Variants in COMMD1 observed in about 807,000 individuals in gnomAD.
COMMD1 encodes the protein COMM domain-containing protein 1.
In COMMD1, 10 loss-of-function variants were observed where a neutral mutation model predicts 17.2. The ratio of observed to expected loss-of-function variants is 0.58; its 90% CI spans 0.36 to 0.99. The LOEUF is 0.99. Ranked by LOEUF, COMMD1 falls within the 50% of genes least tolerant of loss-of-function variation. The probability of loss-of-function intolerance (pLI) is 0.01; values close to 1 mark genes in which losing one functional copy is unlikely to be tolerated. For missense variants in COMMD1, 270 were observed against 231.8 expected (o/e 1.17, Z -1.07); for synonymous variants, 97 against 91.6 (o/e 1.06, Z -0.34).
At chr2:62,109,258 A>G (rs544539781) in intron 2 of COMMD1, among the ~76,000 whole-genome samples, 6 of 152,314 alleles carry the variant, frequency 3.9e-5, no homozygotes, top group Non-Finnish European at 5.9e-5. Flanking sequence ...GTTGAGGGCA[A>G]TCACTAAAAA....
intron 2 of COMMD1, among the ~76,000 whole-genome samples, chr2:62,044,910 AT>A (rs1455039584): frequency 6.6e-6 from 1 of 151,598 alleles, no homozygotes; most frequent in Non-Finnish European, 1.5e-5. Context: ...TCATAGTTTT[AT>A]TAATTTGATC....
chr2:61,939,040 A>G (rs180802399), intron 1 of COMMD1, among the ~76,000 whole-genome samples: 35 of 152,284 alleles, frequency 2.3e-4, no homozygotes, highest in African/African-American at 7.5e-4. Context: ...CTTTGAAACA[A>G]TTTCTCTCTC....
chr2:62,068,483 A>G (rs1671114356), intron 2 of COMMD1, among the ~76,000 whole-genome samples: 1 of 152,222 alleles, frequency 6.6e-6, no homozygotes, highest in South Asian at 2.1e-4. Flanking sequence ...AGACTTCATC[A>G]AAATTAAAAA....
chr2:61,995,080 T>C (rs1240290286), intron 1 of COMMD1, among the ~76,000 whole-genome samples: 1 of 144,632 alleles, frequency 6.9e-6, no homozygotes, highest in Non-Finnish European at 1.5e-5. Flanking sequence ...TACTTACTGT[T>C]ATCAGATTCA....
intron 1 of COMMD1, among the ~76,000 whole-genome samples, chr2:61,890,754 G>A (rs1161845965): frequency 5.4e-5 from 8 of 149,314 alleles, no homozygotes; most frequent in African/African-American, 2.0e-4. Context: ...TTGAAGCCAG[G>A]AAGTGGAGGT....
chr2:62,009,169 T>C (rs1348115362), intron 2 of COMMD1, among the ~76,000 whole-genome samples: 1 of 152,228 alleles, frequency 6.6e-6, no homozygotes, highest in Non-Finnish European at 1.5e-5. Context: ...ACTTAAACTT[T>C]AATTCTGAAT....
At chr2:61,941,821 A>G (rs189690448) in intron 1 of COMMD1, among the ~76,000 whole-genome samples, 2 of 152,274 alleles carry the variant, frequency 1.3e-5, no homozygotes, top group East Asian at 1.9e-4. Flanking sequence ...CCCTTACTAT[A>G]AAAGTTTCTC....
chr2:61,908,968 AG>A (rs1669839550), intron 1 of COMMD1, among the ~76,000 whole-genome samples: 1 of 152,138 alleles, frequency 6.6e-6, no homozygotes, highest in Admixed American at 6.6e-5. Flanking sequence ...CTTGTTGCCC[AG>A]GCTGGAGTGT....
chr2:62,020,084 C>T (rs956748625), intron 2 of COMMD1, among the ~76,000 whole-genome samples: 4 of 152,142 alleles, frequency 2.6e-5, no homozygotes, highest in African/African-American at 4.8e-5. Context: ...GGATGAGGCT[C>T]CTCAGATGTA....
intron 2 of COMMD1, among the ~76,000 whole-genome samples, chr2:62,050,588 C>G (rs1437384897): frequency 3.3e-5 from 5 of 152,146 alleles, no homozygotes; most frequent in Non-Finnish European, 5.9e-5. Flanking sequence ...TTGAATAATT[C>G]TTTTCAGGAA....
intron 1 of COMMD1, among the ~76,000 whole-genome samples, chr2:61,989,574 C>T (rs1672193284): frequency 6.6e-6 from 1 of 151,926 alleles, no homozygotes; most frequent in South Asian, 2.1e-4. Context: ...GCAATTCTGC[C>T]TCAGCCTCCC....
chr2:61,981,687 CAAGAG>C (rs894502151), intron 1 of COMMD1, among the ~76,000 whole-genome samples: 13 of 152,098 alleles, frequency 8.5e-5, no homozygotes, highest in African/African-American at 3.1e-4. Context: ...TGAAGGTAGA[CAAGAG>C]AAGAATGAGA....
intron 1 of COMMD1, among the ~76,000 whole-genome samples, chr2:61,992,665 C>T (rs1260160257): frequency 1.3e-5 from 2 of 152,210 alleles, no homozygotes; most frequent in African/African-American, 4.8e-5. Context: ...ATCCCTAGCT[C>T]ATGCTCACTT....
chr2:62,024,501 G>T (rs938903412), intron 2 of COMMD1, among the ~76,000 whole-genome samples: 1 of 152,152 alleles, frequency 6.6e-6, no homozygotes, highest in African/African-American at 2.4e-5. Flanking sequence ...TTCCAACAAA[G>T]TTAAACTGGA....
chr2:62,107,015 C>T (rs1672340836), intron 2 of COMMD1, among the ~76,000 whole-genome samples: 1 of 152,108 alleles, frequency 6.6e-6, no homozygotes, highest in Admixed American at 6.6e-5. Flanking sequence ...CATTTGCTTA[C>T]CTTGGTCTTC....
intron 2 of COMMD1, among the ~76,000 whole-genome samples, chr2:62,120,782 GTGGCGCAAACACAGC>G (rs1672721124): frequency 6.6e-6 from 1 of 151,996 alleles, no homozygotes; most frequent in Non-Finnish European, 1.5e-5. Flanking sequence ...CTGGAGTGCA[GTGGCGCAAACACAGC>G]TCACTGCAGT....
upstream of COMMD1, chr2:61,888,523 G>C: frequency 6.2e-7 from 1 of 1,608,456 alleles, no homozygotes; most frequent in Non-Finnish European, 8.5e-7. Context: ...ACTCCGCTGT[G>C]TCTGGGTTGG....
At chr2:62,098,573 A>G (rs1370095735) in intron 2 of COMMD1, among the ~76,000 whole-genome samples, 1 of 152,180 alleles carries the variant, frequency 6.6e-6, no homozygotes, top group Non-Finnish European at 1.5e-5. Context: ...GAATTTAGTA[A>G]GATGTCACTT....
chr2:62,051,007 A>G (rs377281374), intron 2 of COMMD1, among the ~76,000 whole-genome samples: 17 of 152,226 alleles, frequency 1.1e-4, no homozygotes, highest in African/African-American at 4.1e-4. Flanking sequence ...TGTAGGTGAA[A>G]TTGTTATTAT....
Sources: gnomAD v4.1 joint callset for allele counts (sites outside exome capture counted in the v4.1 genomes callset) on GRCh38, gnomAD v4.1.1 for gene constraint, MANE v1.5 for transcripts, NCBI Gene and HGNC (gene_info 2026-07-23, HGNC 2026-07-21) for gene names.